Variants in BMAL2 observed in about 807,000 individuals in gnomAD.
The protein encoded by BMAL2 is basic helix-loop-helix ARNT like 2.
the BMAL2 span, chr12:27,402,543 A>G: frequency 8.3e-7 from 1 of 1,206,272 alleles, no homozygotes; most frequent in Non-Finnish European, 1.2e-6. Context: ...AATTAAATAT[A>G]CAGATCTTAG....
the BMAL2 span, chr12:27,390,111 A>C: frequency 6.2e-7 from 1 of 1,613,726 alleles, no homozygotes; most frequent in Non-Finnish European, 8.5e-7. Context: ...TTGCAAGTTC[A>C]CAGTAATCTC....
the BMAL2 span, among the ~76,000 whole-genome samples, chr12:27,359,502 C>G: frequency 6.6e-6 from 1 of 151,804 alleles, no homozygotes; most frequent in Non-Finnish European, 1.5e-5. Flanking sequence ...GTCAACACAG[C>G]GAAATCCTTA....
At chr12:27,354,542 A>C in the BMAL2 span, among the ~76,000 whole-genome samples, 1 of 152,216 alleles carries the variant, frequency 6.6e-6, no homozygotes, top group Non-Finnish European at 1.5e-5. Flanking sequence ...ACATATAACA[A>C]ACCTGCACAT....
the BMAL2 span, among the ~76,000 whole-genome samples, chr12:27,345,752 C>T: frequency 6.6e-6 from 1 of 152,186 alleles, no homozygotes; most frequent in African/African-American, 2.4e-5. Flanking sequence ...ATCTGCCCAT[C>T]TGGGCTTTCC....
chr12:27,353,759 G>T, the BMAL2 span, among the ~76,000 whole-genome samples: 1 of 151,850 alleles, frequency 6.6e-6, no homozygotes, highest in Non-Finnish European at 1.5e-5. Context: ...AACGGGCAAA[G>T]GGCATAAACA....
the BMAL2 span, among the ~76,000 whole-genome samples, chr12:27,414,797 T>C: frequency 6.6e-6 from 1 of 151,976 alleles, no homozygotes; most frequent in Non-Finnish European, 1.5e-5. Context: ...ACAGATTGAA[T>C]CAAGATTAGA....
the BMAL2 span, among the ~76,000 whole-genome samples, chr12:27,419,032 A>G: frequency 2.0e-5 from 3 of 152,146 alleles, no homozygotes; most frequent in African/African-American, 7.2e-5. Context: ...TCAGTTATCA[A>G]TGGAATCAGC....
the BMAL2 span, chr12:27,421,648 T>C: frequency 6.6e-6 from 1 of 151,962 alleles, no homozygotes; most frequent in African/African-American, 2.4e-5. Flanking sequence ...AGATTTAATA[T>C]AATCACTGAA....
the BMAL2 span, among the ~76,000 whole-genome samples, chr12:27,403,083 A>G: frequency 6.6e-6 from 1 of 152,210 alleles, no homozygotes; most frequent in Admixed American, 6.5e-5. Flanking sequence ...AAATTAACGA[A>G]AAGTATTGGG....
At chr12:27,390,229 A>C in the BMAL2 span, 1 of 1,613,768 alleles carries the variant, frequency 6.2e-7, no homozygotes, top group Non-Finnish European at 8.5e-7. Context: ...TACCCAACTC[A>C]AAGAAGAAAG....
chr12:27,398,640 C>T, the BMAL2 span, among the ~76,000 whole-genome samples: 1 of 151,990 alleles, frequency 6.6e-6, no homozygotes, highest in African/African-American at 2.4e-5. Context: ...AATTTGCCAA[C>T]TGAATAAATG....
At chr12:27,364,194 A>G in the BMAL2 span, among the ~76,000 whole-genome samples, 2 of 152,136 alleles carry the variant, frequency 1.3e-5, no homozygotes, top group African/African-American at 4.8e-5. Context: ...TGACCTAATC[A>G]CCTCCTAGTG....
At chr12:27,385,882 C>A in the BMAL2 span, among the ~76,000 whole-genome samples, 1 of 152,096 alleles carries the variant, frequency 6.6e-6, no homozygotes, top group Non-Finnish European at 1.5e-5. Flanking sequence ...GTCTGCCTGG[C>A]ATCCTGTTCC....
At chr12:27,349,714 C>A in the BMAL2 span, among the ~76,000 whole-genome samples, 1 of 152,160 alleles carries the variant, frequency 6.6e-6, no homozygotes, top group Non-Finnish European at 1.5e-5. Flanking sequence ...ATTCCAAAAT[C>A]CTTCAACATT....
chr12:27,365,901 G>C, the BMAL2 span, among the ~76,000 whole-genome samples: 3 of 151,024 alleles, frequency 2.0e-5, no homozygotes, highest in African/African-American at 7.3e-5. Flanking sequence ...TTATTTTACT[G>C]ATCTTTTTCT....
the BMAL2 span, among the ~76,000 whole-genome samples, chr12:27,392,030 C>G: frequency 9.9e-5 from 15 of 152,182 alleles, no homozygotes. Context: ...GTTTCTTAAT[C>G]CCTCTGAGCT....
the BMAL2 span, chr12:27,423,959 G>T: frequency 6.6e-6 from 1 of 152,138 alleles, no homozygotes; most frequent in African/African-American, 2.4e-5. Context: ...TGCTATCAAT[G>T]TAAGATACAT....
At chr12:27,334,607 A>G in the BMAL2 span, among the ~76,000 whole-genome samples, 2 of 152,252 alleles carry the variant, frequency 1.3e-5, no homozygotes, top group African/African-American at 2.4e-5. Context: ...TGCACCTACT[A>G]ATTCCCCAGA....
chr12:27,349,295 C>T, the BMAL2 span, among the ~76,000 whole-genome samples: 29 of 152,242 alleles, frequency 1.9e-4, no homozygotes, highest in Non-Finnish European at 2.9e-4. Context: ...ATAATTAAAT[C>T]GTTGATAGTT....
Sources: allele counts gnomAD v4.1 joint callset (sites outside exome capture counted in the v4.1 genomes callset), GRCh38; gene constraint gnomAD v4.1.1; transcripts MANE v1.5; gene names NCBI Gene and HGNC (gene_info 2026-07-23, HGNC 2026-07-21).